Variants in GPR160 observed in about 807,000 individuals in gnomAD.
The protein encoded by GPR160 is probable G protein-coupled receptor 160.
GPR160 carries 2 observed loss-of-function variants against 2.6 expected under a neutral mutation model. The ratio of observed to expected loss-of-function variants is 0.77; its 90% CI spans 0.32 to 2.44. GPR160 has a LOEUF of 2.44. GPR160 is among the 30% of genes most tolerant of loss of function. The pLI is 0.11. For synonymous variants in GPR160, 130 were observed against 132.2 expected (o/e 0.98, Z 0.12); for missense variants, 351 against 383.6 (o/e 0.91, Z 0.71).
intron 2 of GPR160, among the ~76,000 whole-genome samples, chr3:170,049,175 C>G (rs1716853750): frequency 6.6e-6 from 1 of 152,168 alleles, no homozygotes; most frequent in African/African-American, 2.4e-5. Context: ...ATCTCATCCC[C>G]CTATGAGAAG....
intron 2 of GPR160, among the ~76,000 whole-genome samples, chr3:170,046,149 C>T (rs1269923748): frequency 6.6e-6 from 1 of 152,134 alleles, no homozygotes; most frequent in Admixed American, 6.5e-5. Flanking sequence ...GAGCTCTGAC[C>T]TCTGTTCGTG....
intron 2 of GPR160, among the ~76,000 whole-genome samples, chr3:170,073,006 A>AC (rs1210908062): frequency 6.6e-6 from 1 of 152,032 alleles, no homozygotes; most frequent in Non-Finnish European, 1.5e-5. Context: ...ACGAAACGAG[A>AC]CCCCATCTCT....
intron 2 of GPR160, among the ~76,000 whole-genome samples, chr3:170,046,402 G>A (rs910843168): frequency 6.6e-6 from 1 of 152,192 alleles, no homozygotes; most frequent in Admixed American, 6.5e-5. Context: ...CCCCTTATGA[G>A]AGAGCGGGCT....
rs573349108 is a variant in GPR160, at chr3:170,040,351, A to T, written c.-193+1308A>T. On this transcript the variant is annotated intron_variant, in intron 2 of 3. Coordinates refer to ENST00000355897, the MANE Select transcript of GPR160 (RefSeq NM_014373.3). Reference sequence around the variant, plus strand: ...GGCACTGCAGCCGAGTCTAGATGCAAGGTCTTCCGCAGACGCTCGTTCTTT... The same window carrying T: ...GGCACTGCAGCCGAGTCTAGATGCATGGTCTTCCGCAGACGCTCGTTCTTT... Among the ~76,000 whole-genome samples the T allele has an allele frequency of 2.0e-5, 3 of 152,320 alleles. No individual in the cohort carries two copies. The South Asian group carries it at 6.2e-4, about 32-fold the overall frequency.
rs1713305406 is a variant in GPR160 at position 170,084,386 on chromosome 3, T to TTA, written c.416_417dup (p.Phe140IlefsTer5). The TTA allele has an allele frequency of 6.2e-7, 1 of 1,606,528 alleles. No individual in the cohort carries two copies. Among genetic ancestry groups the TTA allele is most frequent in the East Asian group, 2.2e-5 (1 of 44,816 alleles). On this transcript the variant is annotated frameshift_variant, in exon 4 of 4. Coordinates refer to ENST00000355897, the MANE Select transcript of GPR160 (RefSeq NM_014373.3). LOFTEE classifies it low-confidence loss of function (END_TRUNC). ...TTTCATTTAAGTGTCAAAAATTATT[T>TTA]TATTTCTTTACAGTAATTTTAATTT... is the stretch of plus-strand genomic sequence containing the variant.
chr3:170,079,392 A>G (rs1559993177), intron 2 of GPR160, among the ~76,000 whole-genome samples: 1 of 152,264 alleles, frequency 6.6e-6, no homozygotes. Flanking sequence ...TTGGTAAAAT[A>G]TAGTAATTTT....
chr3:170,063,033 A>AGGATCCCTTG (rs1330455105), intron 2 of GPR160: 27 of 183,576 alleles, frequency 1.5e-4, no homozygotes, highest in African/African-American at 6.2e-4. Flanking sequence ...CCTGGGAGGC[A>AGGATCCCTTG]GAGGGAGACT....
intron 2 of GPR160, among the ~76,000 whole-genome samples, chr3:170,048,486 A>C (rs899019956): frequency 6.6e-6 from 1 of 152,104 alleles, no homozygotes; most frequent in Non-Finnish European, 1.5e-5. Context: ...ACTGCATGCT[A>C]TTTTAGGCTT....
chr3:170,056,037 C>T lies in GPR160; in HGVS notation c.-193+16994C>T, dbSNP rs570241835. Among the ~76,000 whole-genome samples, 68 of 152,304 alleles carry T rather than the reference C, an allele frequency of 4.5e-4. 2 individuals carry two copies. In the South Asian group the frequency reaches 0.014, roughly 32 times the overall value. On this transcript the variant is annotated intron_variant, in intron 2 of 3. Coordinates refer to ENST00000355897, the MANE Select transcript of GPR160 (RefSeq NM_014373.3). ...ATAATCCTTTGTTGCTCTTATTAAT[C>T]CCATTCCTATATTGTTGATTTTTTT...
chr3:170,043,169 A>G (rs777319315), intron 2 of GPR160, among the ~76,000 whole-genome samples: 10 of 150,212 alleles, frequency 6.7e-5, no homozygotes, highest in Non-Finnish European at 1.5e-4. Context: ...ACATTCACAC[A>G]CATTTTTGTT....
At chr3:170,071,405 G>A (rs1044924961) in intron 2 of GPR160, among the ~76,000 whole-genome samples, 1 of 152,126 alleles carries the variant, frequency 6.6e-6, no homozygotes, top group East Asian at 1.9e-4. Flanking sequence ...TTTGCCTTCC[G>A]CCATGGTTGT....
At chr3:170,039,573 T>A (rs1267057638) in intron 2 of GPR160, among the ~76,000 whole-genome samples, 2 of 152,128 alleles carry the variant, frequency 1.3e-5, no homozygotes, top group Non-Finnish European at 2.9e-5. Context: ...CTGGGTGTGG[T>A]GACACGCGCC....
chr3:170,042,908 G>T (rs1267568282), intron 2 of GPR160, among the ~76,000 whole-genome samples: 3 of 140,466 alleles, frequency 2.1e-5, no homozygotes, highest in African/African-American at 7.9e-5. Flanking sequence ...TTGAGATGGA[G>T]TCTCGCTCTG....
At chr3:170,080,791 C>T (rs1017530322) in intron 3 of GPR160, among the ~76,000 whole-genome samples, 3 of 152,166 alleles carry the variant, frequency 2.0e-5, no homozygotes, top group African/African-American at 7.2e-5. Flanking sequence ...GCCTTGACCT[C>T]CTGGGCTTAG....
intron 2 of GPR160, among the ~76,000 whole-genome samples, chr3:170,050,240 C>CTT (rs958716794): frequency 8.7e-5 from 12 of 138,230 alleles, no homozygotes; most frequent in African/African-American, 3.2e-4. Context: ...ACTTCTTCTT[C>CTT]TTTTTTTTTT....
intron 2 of GPR160, among the ~76,000 whole-genome samples, chr3:170,049,368 T>C (rs1054982284): frequency 2.0e-5 from 3 of 152,244 alleles, no homozygotes; most frequent in African/African-American, 4.8e-5. Flanking sequence ...TTTTGATTCT[T>C]TTGGGGACTG....
intron 2 of GPR160, among the ~76,000 whole-genome samples, chr3:170,075,247 C>A (rs189380880): frequency 3.0e-3 from 461 of 152,050 alleles, no homozygotes; most frequent in Admixed American, 5.2e-3. Context: ...CAAAACAAAA[C>A]CAAAAGAATA....
rs115691352 is a variant in GPR160, at chr3:170,063,665, G to A, written c.-192-16109G>A. ...AGAGCTGGGACGTGTCCCCCACACC[G>A]CGACGAGGTATGAGGAAGACGCTGT... On this transcript the variant is annotated intron_variant, in intron 2 of 3. Coordinates refer to ENST00000355897, the MANE Select transcript of GPR160 (RefSeq NM_014373.3). Among the ~76,000 whole-genome samples, 687 of 148,266 alleles carry A rather than the reference G, an allele frequency of 4.6e-3. 3 individuals are homozygous for A. The highest frequency in any genetic ancestry group is 0.016 in the African/African-American group (655 of 40,328).
chr3:170,076,074 A>C (rs574824386), intron 2 of GPR160, among the ~76,000 whole-genome samples: 1 of 152,194 alleles, frequency 6.6e-6, no homozygotes, highest in Non-Finnish European at 1.5e-5. Flanking sequence ...GCTTTAGAAT[A>C]TCTCTGGAAA....
Sources: allele counts gnomAD v4.1 joint callset (sites outside exome capture counted in the v4.1 genomes callset), GRCh38; gene constraint gnomAD v4.1.1; transcripts MANE v1.5; gene names NCBI Gene and HGNC (gene_info 2026-07-23, HGNC 2026-07-21).